Variants in LRRC7 observed in about 807,000 individuals in gnomAD.
The protein encoded by LRRC7 is leucine rich repeat containing 7.
LRRC7 carries 23 observed loss-of-function variants against 175.7 expected under a neutral mutation model. The ratio of observed to expected loss-of-function variants is 0.13; its 90% CI spans 0.09 to 0.19. LRRC7 has a LOEUF of 0.19. Among genes scored for constraint, LRRC7 ranks in the 10% least tolerant of loss-of-function variants. LRRC7 has a pLI of 1.00. For synonymous variants in LRRC7, 685 were observed against 680.9 expected (o/e 1.01, Z -0.09); for missense variants, 1,354 against 1,904.7 (o/e 0.71, Z 5.38).
At chr1:69,807,298 T>C (rs899752401) in intron 4 of LRRC7, among the ~76,000 whole-genome samples, 2 of 152,114 alleles carry the variant, frequency 1.3e-5, no homozygotes, top group Non-Finnish European at 2.9e-5. Flanking sequence ...CATTTTCATT[T>C]AAAATTAATA....
In LRRC7 at chr1:70,121,015, A is replaced by G. The variant is rs571747987; in HGVS notation, c.4621-765A>G. ...CCCATAGCACTCAATACAGAGAACA[A>G]TGTACATTTTGTGACATAAATATCA... is the stretch of plus-strand genomic sequence containing the variant. On this transcript the variant is annotated intron_variant, in intron 26 of 26. Coordinates refer to ENST00000651989, the MANE Select transcript of LRRC7 (RefSeq NM_001370785.2). Among the ~76,000 whole-genome samples the G allele has an allele frequency of 2.0e-5, 3 of 152,184 alleles. No individual in the cohort carries two copies. The South Asian group carries it at 6.2e-4, about 32-fold the overall frequency.
At chr1:69,762,437 C>T (rs917181804) in intron 3 of LRRC7, among the ~76,000 whole-genome samples, 7 of 151,840 alleles carry the variant, frequency 4.6e-5, no homozygotes, top group South Asian at 2.1e-4. Context: ...CATTGTAGAG[C>T]GTATGTATAG....
intron 2 of LRRC7, among the ~76,000 whole-genome samples, chr1:69,711,052 G>A (rs1322564258): frequency 6.6e-6 from 1 of 152,096 alleles, no homozygotes; most frequent in Non-Finnish European, 1.5e-5. Flanking sequence ...ATGCTTTCTG[G>A]AAAGCCCTCC....
chr1:69,921,475 C>G (rs546937137), intron 7 of LRRC7, among the ~76,000 whole-genome samples: 2 of 152,142 alleles, frequency 1.3e-5, no homozygotes, highest in African/African-American at 4.8e-5. Context: ...AATATACTCT[C>G]ACTCCTATTC....
chr1:70,038,468 A>G lies in LRRC7; in HGVS notation c.2644A>G (p.Asn882Asp). The change falls in exon 21 of 27, where the codon AAT becomes GAT. Residue 882 changes from asparagine to aspartate, a missense_variant. Coordinates refer to ENST00000651989, the MANE Select transcript of LRRC7 (RefSeq NM_001370785.2). ...AGTGCCTCCTTCCAATCCTTGGCAGAATTGGACCAGAACCCCTAGTCCGTT... is the reference window on the plus strand; with the variant it reads ...AGTGCCTCCTTCCAATCCTTGGCAGGATTGGACCAGAACCCCTAGTCCGTT... ...TEVPPSNPWQ[N>D]WTRTPSPFED... 1 of 1,614,164 alleles carries G rather than the reference A, an allele frequency of 6.2e-7. No individual in the cohort carries two copies. Among genetic ancestry groups the G allele is most frequent in the Non-Finnish European group, 8.5e-7 (1 of 1,180,012 alleles).
chr1:70,053,112 G>A lies in LRRC7; in HGVS notation c.4197G>A (p.Arg1399=). The change falls in exon 23 of 27, where the codon AGG becomes AGA. Residue 1399 remains arginine (R), a synonymous_variant. Transcript: ENST00000651989. ...SGQWNPYPLG[R]RDVPPDTITK... ...AATGGAATCCTTATCCACTTGGGAG[G>A]CGGGATGTACCTCCGGACACCATTA... is the stretch of plus-strand genomic sequence containing the variant. The A allele has an allele frequency of 6.2e-7, 1 of 1,610,338 alleles. No homozygotes were observed. The highest frequency in any genetic ancestry group is 2.2e-5 in the East Asian group (1 of 44,668).
At chr1:70,003,079 G>A (rs1450889681) in intron 11 of LRRC7, among the ~76,000 whole-genome samples, 1 of 152,132 alleles carries the variant, frequency 6.6e-6, no homozygotes, top group Non-Finnish European at 1.5e-5. Flanking sequence ...AGCAAGGTAG[G>A]TTTTATTCTG....
chr1:69,995,404 T>TA (rs1210680870), intron 11 of LRRC7, among the ~76,000 whole-genome samples: 3 of 151,604 alleles, frequency 2.0e-5, no homozygotes, highest in African/African-American at 7.3e-5. Flanking sequence ...CTTTTTTTTT[T>TA]AATTTATTAT....
chr1:69,906,085 A>G (rs1188092648), intron 7 of LRRC7, among the ~76,000 whole-genome samples: 1 of 152,010 alleles, frequency 6.6e-6, no homozygotes, highest in Admixed American at 6.6e-5. Flanking sequence ...CATATCATTC[A>G]CCCACTTTTT....
intron 7 of LRRC7, among the ~76,000 whole-genome samples, chr1:69,856,699 T>C (rs1683678384): frequency 6.6e-6 from 1 of 152,284 alleles, no homozygotes; most frequent in South Asian, 2.1e-4. Flanking sequence ...GATGAGCTGG[T>C]ACCATTCCTT....
At chr1:69,682,068 T>C (rs1305488012) in intron 2 of LRRC7, among the ~76,000 whole-genome samples, 1 of 152,152 alleles carries the variant, frequency 6.6e-6, no homozygotes, top group Non-Finnish European at 1.5e-5. Context: ...TGTTTCCTTG[T>C]GGTGGTATGA....
chr1:69,656,043 A>G (rs759963207), intron 1 of LRRC7, among the ~76,000 whole-genome samples: 3 of 152,018 alleles, frequency 2.0e-5, no homozygotes, highest in Non-Finnish European at 2.9e-5. Flanking sequence ...TGGCTGTTTC[A>G]TATGTTGATA....
chr1:70,121,754 G>T, intron 26 of LRRC7, 26 bp from the exon 27 acceptor site: 2 of 1,403,742 alleles, frequency 1.4e-6, no homozygotes, highest in Non-Finnish European at 2.0e-6. Flanking sequence ...TACATTGATT[G>T]CCCTGTTTTA....
At position 69,737,042 on chromosome 1, in the gene LRRC7, G is replaced by T. The variant is rs185344005; in HGVS notation, c.101-23149G>T. On this transcript the variant is annotated intron_variant, in intron 2 of 26. Transcript: ENST00000651989. ...ACTCAAATTCTTACACCTCCGATTG[G>T]TTTACATATAGCCCAAATTATTATA... Among the ~76,000 whole-genome samples, 32 of 152,126 alleles carry T rather than the reference G, an allele frequency of 2.1e-4. No individual in the cohort carries two copies. In the East Asian group the frequency reaches 6.0e-3, roughly 28 times the overall value.
intron 1 of LRRC7, among the ~76,000 whole-genome samples, chr1:69,578,792 TGGGGTGG>T (rs1248918682): frequency 1.3e-5 from 1 of 74,626 alleles, no homozygotes; most frequent in Non-Finnish European, 2.4e-5. Flanking sequence ...GGGACTGTTG[TGGGGTGG>T]GGGGAGGGGG....
At chr1:69,703,569 T>TA (rs1210628886) in intron 2 of LRRC7, among the ~76,000 whole-genome samples, 1 of 152,054 alleles carries the variant, frequency 6.6e-6, no homozygotes, top group Non-Finnish European at 1.5e-5. Context: ...ACTTTAGAGC[T>TA]ATTTATAATT....
At chr1:69,953,752 G>A (rs1650197499) in intron 8 of LRRC7, among the ~76,000 whole-genome samples, 1 of 151,980 alleles carries the variant, frequency 6.6e-6, no homozygotes, top group East Asian at 1.9e-4. Context: ...AGTGACTCCT[G>A]TGTCCACACA....
intron 26 of LRRC7, 114 bp downstream of exon 26, chr1:70,107,940 C>A: frequency 1.1e-6 from 1 of 918,014 alleles, no homozygotes; most frequent in Non-Finnish European, 1.7e-6. Context: ...TCTCACATTG[C>A]TTATTTGCCT....
chr1:69,737,904 C>T (rs1328907833), intron 2 of LRRC7, among the ~76,000 whole-genome samples: 3 of 152,064 alleles, frequency 2.0e-5, no homozygotes, highest in Admixed American at 6.6e-5. Context: ...CTGGACTTTA[C>T]TCTTTTGCTT....
Sources: gnomAD v4.1 joint callset for allele counts (sites outside exome capture counted in the v4.1 genomes callset) on GRCh38, gnomAD v4.1.1 for gene constraint, MANE v1.5 for transcripts, NCBI Gene and HGNC (gene_info 2026-07-23, HGNC 2026-07-21) for gene names.